Variants in PRKG1 observed in about 807,000 individuals in gnomAD.
PRKG1 encodes protein kinase cGMP-dependent 1.
PRKG1 carries 35 observed loss-of-function variants against 88.1 expected under a neutral mutation model. The ratio of observed to expected loss-of-function variants is 0.40; its 90% CI spans 0.30 to 0.53. The LOEUF (loss-of-function observed/expected upper bound fraction) is 0.53. Ranked by LOEUF, PRKG1 falls within the 20% of genes least tolerant of loss-of-function variation. PRKG1 has a pLI of 0.59. For synonymous variants in PRKG1, 303 were observed against 292.5 expected, an observed-to-expected ratio of 1.04 and a Z score of -0.37; for missense variants, 540 against 839.8, an observed-to-expected ratio of 0.64 and a Z score of 4.41.
chr10:52,208,794 TTAAC>T (rs1029670284), intron 9 of PRKG1, among the ~76,000 whole-genome samples: 69 of 152,334 alleles, frequency 4.5e-4, no homozygotes, highest in African/African-American at 1.6e-3. Context: ...AGCCTGTTCT[TTAAC>T]TATTATTTTA....
chr10:52,174,678 A>G (rs2132716195), intron 9 of PRKG1, among the ~76,000 whole-genome samples: 1 of 152,146 alleles, frequency 6.6e-6, no homozygotes, highest in South Asian at 2.1e-4. Context: ...CCACACTAGG[A>G]AATCATAAAA....
chr10:51,305,234 A>G (rs548009856), intron 2 of PRKG1, among the ~76,000 whole-genome samples: 2 of 152,326 alleles, frequency 1.3e-5, no homozygotes, highest in African/African-American at 4.8e-5. Context: ...GTTTCAGAGC[A>G]CAATGGCACT....
At chr10:51,894,531 G>A (rs890417849) in intron 4 of PRKG1, among the ~76,000 whole-genome samples, 14 of 152,148 alleles carry the variant, frequency 9.2e-5, no homozygotes, top group African/African-American at 3.4e-4. Context: ...CTTAAAAATG[G>A]TTAAGATAGC....
intron 2 of PRKG1, among the ~76,000 whole-genome samples, chr10:51,446,936 A>G (rs1433735833): frequency 6.6e-6 from 1 of 152,058 alleles, no homozygotes; most frequent in Non-Finnish European, 1.5e-5. Flanking sequence ...CCCACCCATG[A>G]TAAAGAGAAA....
intron 3 of PRKG1, among the ~76,000 whole-genome samples, chr10:51,554,942 G>T (rs1837272542): frequency 6.6e-6 from 1 of 151,796 alleles, no homozygotes; most frequent in Admixed American, 6.6e-5. Flanking sequence ...AAAGTTCCTT[G>T]AAATTTCAAA....
chr10:51,955,295 TTTAAGG>T (rs371781446), intron 5 of PRKG1, among the ~76,000 whole-genome samples: 16 of 152,130 alleles, frequency 1.1e-4, no homozygotes, highest in African/African-American at 3.9e-4. Context: ...TTGACAGCCC[TTTAAGG>T]TTAAGGTACT....
chr10:51,122,626 C>T (rs1291545707), intron 1 of PRKG1, among the ~76,000 whole-genome samples: 5 of 152,136 alleles, frequency 3.3e-5, no homozygotes, highest in African/African-American at 7.2e-5. Flanking sequence ...TATTGCTAGA[C>T]ATATCCTTCT....
chr10:51,577,190 T>C (rs1188858623), intron 3 of PRKG1, among the ~76,000 whole-genome samples: 1 of 152,016 alleles, frequency 6.6e-6, no homozygotes, highest in Non-Finnish European at 1.5e-5. Context: ...TTCATATTTT[T>C]GGTACGTTAT....
At chr10:52,223,582 C>A (rs1840307173) in intron 9 of PRKG1, among the ~76,000 whole-genome samples, 1 of 152,148 alleles carries the variant, frequency 6.6e-6, no homozygotes, top group South Asian at 2.1e-4. Context: ...GGTAGTCTCA[C>A]AGCTTTCGAT....
chr10:51,388,080 G>C (rs771030727), intron 2 of PRKG1, among the ~76,000 whole-genome samples: 1 of 151,968 alleles, frequency 6.6e-6, no homozygotes, highest in Admixed American at 6.6e-5. Context: ...GAAATGATGT[G>C]GTATATTTTT....
chr10:51,759,210 C>T (rs757024047), intron 3 of PRKG1, among the ~76,000 whole-genome samples: 20 of 152,068 alleles, frequency 1.3e-4, no homozygotes, highest in South Asian at 8.3e-4. Context: ...GGGTATATAC[C>T]TAGAAATGGG....
chr10:51,450,179 G>T (rs1240777081), intron 2 of PRKG1, among the ~76,000 whole-genome samples: 1 of 151,652 alleles, frequency 6.6e-6, no homozygotes, highest in Non-Finnish European at 1.5e-5. Context: ...AAACCTATTA[G>T]GTTTCTTTAT....
At chr10:51,878,205 AAT>A (rs1340777527) in intron 4 of PRKG1, among the ~76,000 whole-genome samples, 1 of 150,624 alleles carries the variant, frequency 6.6e-6, no homozygotes, top group African/African-American at 2.5e-5. Context: ...AATATAAAGC[AAT>A]ATATATGTGT....
At chr10:52,181,115 C>T (rs1197462910) in intron 9 of PRKG1, among the ~76,000 whole-genome samples, 1 of 152,176 alleles carries the variant, frequency 6.6e-6, no homozygotes, top group Non-Finnish European at 1.5e-5. Context: ...GGGGGCTTGT[C>T]TGCTAGTGAC....
intron 1 of PRKG1, among the ~76,000 whole-genome samples, chr10:51,127,900 T>G (rs368429180): frequency 6.6e-6 from 1 of 151,404 alleles, no homozygotes; most frequent in East Asian, 1.9e-4. Flanking sequence ...TAAGTGGGAG[T>G]TGAACAATGA....
intron 4 of PRKG1, among the ~76,000 whole-genome samples, chr10:51,846,412 C>T (rs959881377): frequency 6.6e-6 from 1 of 152,142 alleles, no homozygotes; most frequent in Admixed American, 6.6e-5. Context: ...CATAACTCAA[C>T]TGCTATATTG....
At chr10:51,008,339 C>T (rs1842960770) in intron 1 of PRKG1, among the ~76,000 whole-genome samples, 1 of 152,144 alleles carries the variant, frequency 6.6e-6, no homozygotes, top group Admixed American at 6.5e-5. Flanking sequence ...TTTCTTAGTT[C>T]TGCTGGAACA....
chr10:51,197,246 G>A (rs899726980), intron 2 of PRKG1, among the ~76,000 whole-genome samples: 1 of 152,034 alleles, frequency 6.6e-6, no homozygotes, highest in Non-Finnish European at 1.5e-5. Context: ...GGTGTGTTTT[G>A]AGATATCGTG....
At position 51,964,039 on chromosome 10, in the gene PRKG1, G is replaced by GT. The variant is rs529172722; in HGVS notation, c.762+56476dup. ...TCTTAAAGTTCCATGGAAAAAATCT[G>GT]TTTTTTTGCCTTTTCACTGTTTCTG... On this transcript the variant is annotated intron_variant, in intron 5 of 17. Coordinates refer to ENST00000373980, the MANE Select transcript of PRKG1 (RefSeq NM_006258.4). Among the ~76,000 whole-genome samples, 13 of 152,022 alleles carry GT rather than the reference G, an allele frequency of 8.6e-5. 1 individual carries two copies. Among genetic ancestry groups the GT allele is most frequent in the Non-Finnish European group, 1.6e-4 (11 of 68,000 alleles).
Sources: gnomAD v4.1 joint callset for allele counts (sites outside exome capture counted in the v4.1 genomes callset) on GRCh38, gnomAD v4.1.1 for gene constraint, MANE v1.5 for transcripts, NCBI Gene and HGNC (gene_info 2026-07-23, HGNC 2026-07-21) for gene names.